ZNF567: variants seen among roughly 807,000 people sequenced by gnomAD.
The protein encoded by ZNF567 is zinc finger protein 567.
Under a neutral mutation model 53.9 loss-of-function variants are expected in ZNF567, and 36 were observed. That is an observed-to-expected ratio of 0.67 (90% confidence interval 0.51 to 0.88). The LOEUF is 0.88. Ranked by LOEUF, ZNF567 falls within the 40% of genes least tolerant of loss-of-function variation. The pLI, the probability that ZNF567 is intolerant of heterozygous loss-of-function variation, is 0.00. For missense variants in ZNF567, 619 were observed against 764.7 expected (o/e 0.81, Z 2.25); for synonymous variants, 224 against 260.4 (o/e 0.86, Z 1.35).
chr19:36,667,946 C>A, the ZNF567 span, among the ~76,000 whole-genome samples: 2 of 151,136 alleles, frequency 1.3e-5, no homozygotes, highest in Non-Finnish European at 3.0e-5. Flanking sequence ...CCGCGCCCGG[C>A]CTCTTTTTGA....
chr19:36,698,761 T>C (rs2039022186), intron 3 of ZNF567, among the ~76,000 whole-genome samples: 1 of 152,190 alleles, frequency 6.6e-6, no homozygotes, highest in Non-Finnish European at 1.5e-5. Flanking sequence ...TGCCCACTTT[T>C]TGATGGGGTT....
chr19:36,686,768 T>A (rs2038283087), upstream of ZNF567: 1 of 152,234 alleles, frequency 6.6e-6, no homozygotes, highest in South Asian at 2.1e-4. Flanking sequence ...ATCCCTTCCC[T>A]TTTTGATGGC....
At chr19:36,682,877 G>C (rs754968476), upstream of ZNF567, among the ~76,000 whole-genome samples, 2 of 151,922 alleles carry the variant, frequency 1.3e-5, no homozygotes, top group African/African-American at 2.4e-5. Flanking sequence ...AAAGTGCTGG[G>C]ATTACAGGCG....
chr19:36,688,662 C>G (rs1339502058), intron 1 of ZNF567, among the ~76,000 whole-genome samples: 1 of 151,326 alleles, frequency 6.6e-6, no homozygotes, highest in African/African-American at 2.4e-5. Flanking sequence ...AAAAAATTAA[C>G]CGGGCGTGGT....
At chr19:36,706,106 C>G (rs1040533220) in intron 3 of ZNF567, among the ~76,000 whole-genome samples, 2 of 152,154 alleles carry the variant, frequency 1.3e-5, no homozygotes, top group Non-Finnish European at 2.9e-5. Context: ...GGTCTGTTCT[C>G]TGCTTCCAAG....
At chr19:36,667,564 G>A in the ZNF567 span, among the ~76,000 whole-genome samples, 3 of 149,952 alleles carry the variant, frequency 2.0e-5, 1 homozygote, top group South Asian at 6.4e-4. Flanking sequence ...TAGAGACAGA[G>A]TCTTCTTGCC....
At chr19:36,724,309 T>C (rs2040326334), downstream of ZNF567, among the ~76,000 whole-genome samples, 1 of 151,746 alleles carries the variant, frequency 6.6e-6, no homozygotes, top group Admixed American at 6.6e-5. Context: ...CCCTGCTTTA[T>C]TTAATTTTTT....
At chr19:36,707,243 T>C (rs1487651085) in intron 3 of ZNF567, among the ~76,000 whole-genome samples, 1 of 152,178 alleles carries the variant, frequency 6.6e-6, no homozygotes, top group Non-Finnish European at 1.5e-5. Context: ...TTCTTGTTTG[T>C]TTTGTTTTTT....
chr19:36,699,406 C>G (rs2039059702), intron 3 of ZNF567, among the ~76,000 whole-genome samples: 1 of 152,166 alleles, frequency 6.6e-6, no homozygotes, highest in African/African-American at 2.4e-5. Context: ...GCGATGTGGG[C>G]TCTTTTTTGG....
At chr19:36,715,497 A>C (rs1019457544) in intron 5 of ZNF567, among the ~76,000 whole-genome samples, 1 of 76,720 alleles carries the variant, frequency 1.3e-5, no homozygotes, top group Non-Finnish European at 2.7e-5. Context: ...TAATAATAAT[A>C]ATAATAATAA....
rs766346833 is a variant in ZNF567 at position 36,719,231 on chromosome 19, C to T, written c.507C>T (p.Leu169=). 4 of 1,613,888 alleles carry T rather than the reference C, an allele frequency of 2.5e-6. No individual in the cohort carries two copies. In the South Asian group the frequency reaches 3.3e-5, roughly 13 times the overall value. The change falls in exon 6 of 6, where the codon CTC becomes CTT. Residue 169 remains leucine, a synonymous_variant. Coordinates refer to ENST00000682579, the MANE Select transcript of ZNF567 (RefSeq NM_001322917.1). ...LSEYNGYGKS[L]LSTKQETTHP... ...AGTATAATGGATATGGGAAATCACT[C>T]CTGAGTACTAAACAAGAGACTACTC...
chr19:36,671,952 C>T, the ZNF567 span, among the ~76,000 whole-genome samples: 3 of 152,258 alleles, frequency 2.0e-5, no homozygotes, highest in African/African-American at 4.8e-5. Context: ...AAAAGCCCAT[C>T]GTCCCCCCTC....
At chr19:36,715,503 AATAATAATTATTATTATTATTATT>A (rs1376543021) in intron 5 of ZNF567, among the ~76,000 whole-genome samples, 138 of 30,800 alleles carry the variant, frequency 4.5e-3, no homozygotes, top group African/African-American at 0.018. Context: ...TAATAATAAT[AATAATAATTATTATTATTATTATT>A]ATTATTATTA....
chr19:36,703,523 G>A (rs1388994019), intron 3 of ZNF567, among the ~76,000 whole-genome samples: 5 of 152,100 alleles, frequency 3.3e-5, no homozygotes, highest in African/African-American at 7.2e-5. Flanking sequence ...TCTGTGCCCT[G>A]CCCCCAGAGG....
upstream of ZNF567, among the ~76,000 whole-genome samples, chr19:36,682,733 G>A (rs1265849494): frequency 5.3e-5 from 8 of 151,042 alleles, no homozygotes; most frequent in East Asian, 2.0e-4. Context: ...TCAGCCTCCC[G>A]AGTAGCTGGG....
rs745664491 is a variant in ZNF567 at position 36,719,651 on chromosome 19, T to G, written c.927T>G (p.Phe309Leu). 58 of 1,613,866 alleles carry G rather than the reference T, an allele frequency of 3.6e-5. No individual in the cohort carries two copies. The highest frequency in any genetic ancestry group is 4.7e-5 in the Non-Finnish European group (56 of 1,179,920). The change falls in exon 6 of 6, where the codon TTT (phenylalanine) becomes TTG (leucine). Residue 309 changes from phenylalanine to leucine, a missense_variant. By Grantham distance (22) the Phe-to-Leu change is conservative. Coordinates refer to ENST00000682579, the MANE Select transcript of ZNF567 (RefSeq NM_001322917.1). ...HQRTHTGEKP[F>L]VCNECGKSFR... Reference sequence around the variant, plus strand: ...GAACTCACACAGGAGAGAAACCCTTTGTTTGCAATGAATGTGGTAAGTCCT... The same window carrying G: ...GAACTCACACAGGAGAGAAACCCTTGGTTTGCAATGAATGTGGTAAGTCCT...
the ZNF567 span, among the ~76,000 whole-genome samples, chr19:36,669,908 C>T: frequency 1.3e-5 from 2 of 152,140 alleles, no homozygotes; most frequent in African/African-American, 4.8e-5. Context: ...AATCAATTAA[C>T]TCTTTAGTAG....
intron 5 of ZNF567, among the ~76,000 whole-genome samples, chr19:36,716,829 A>G (rs1052854914): frequency 5.3e-5 from 8 of 152,054 alleles, no homozygotes; most frequent in Non-Finnish European, 1.0e-4. Context: ...GTGATCATGT[A>G]AAATTTTTTT....
chr19:36,726,162 ATTCT>A (rs1257758195), downstream of ZNF567, among the ~76,000 whole-genome samples: 1 of 152,068 alleles, frequency 6.6e-6, no homozygotes, highest in Non-Finnish European at 1.5e-5. Flanking sequence ...GTCTGGACTA[ATTCT>A]TTGTTGAGAT....
Sources: gnomAD v4.1 joint callset for allele counts (sites outside exome capture counted in the v4.1 genomes callset) on GRCh38, gnomAD v4.1.1 for gene constraint, MANE v1.5 for transcripts, NCBI Gene and HGNC (gene_info 2026-07-23, HGNC 2026-07-21) for gene names.